DACH1: variants seen among roughly 807,000 people sequenced by gnomAD.
DACH1 encodes dachshund family transcription factor 1.
DACH1 carries 12 observed loss-of-function variants against 54.2 expected under a neutral mutation model. The observed-to-expected ratio is 0.22, with a 90% CI of 0.14 to 0.36. The LOEUF (loss-of-function observed/expected upper bound fraction) is 0.36, where lower values mean the gene tolerates loss of function less well. DACH1 is among the 10% of genes least tolerant of loss of function. The probability of loss-of-function intolerance (pLI) is 1.00; values close to 1 mark genes in which losing one functional copy is unlikely to be tolerated. For missense variants in DACH1, 805 were observed against 929.8 expected (o/e 0.87, Z 1.75); for synonymous variants, 386 against 366.2 (o/e 1.05, Z -0.62).
intron 1 of DACH1, among the ~76,000 whole-genome samples, chr13:71,802,257 A>G (rs1887316954): frequency 6.6e-6 from 1 of 151,786 alleles, no homozygotes; most frequent in South Asian, 2.1e-4. Context: ...TCCAGGATCG[A>G]TTTAAATTTA....
chr13:71,528,603 T>C (rs1399867562), intron 6 of DACH1, among the ~76,000 whole-genome samples: 1 of 151,926 alleles, frequency 6.6e-6, no homozygotes, highest in Non-Finnish European at 1.5e-5. Flanking sequence ...AATGTTTCTT[T>C]CTATTTTTAG....
chr13:71,460,991 G>C (rs1250030357), intron 10 of DACH1, among the ~76,000 whole-genome samples: 1 of 151,918 alleles, frequency 6.6e-6, no homozygotes, highest in East Asian at 1.9e-4. Context: ...CTGTAATTGA[G>C]ACTTTGACAC....
At chr13:71,847,916 G>T (rs375792539) in intron 1 of DACH1, among the ~76,000 whole-genome samples, 25 of 152,276 alleles carry the variant, frequency 1.6e-4, no homozygotes, top group Middle Eastern at 3.4e-3. Flanking sequence ...ATGGTTGAAT[G>T]CCTAGCTCAA....
chr13:71,622,824 T>C (rs1876344970), intron 3 of DACH1, among the ~76,000 whole-genome samples: 1 of 151,804 alleles, frequency 6.6e-6, no homozygotes, highest in Non-Finnish European at 1.5e-5. Flanking sequence ...CCTAATATGA[T>C]ATGCTTGAAT....
intron 3 of DACH1, among the ~76,000 whole-genome samples, chr13:71,614,144 C>A (rs1875568480): frequency 6.6e-6 from 1 of 152,102 alleles, no homozygotes; most frequent in Admixed American, 6.6e-5. Flanking sequence ...TGTTATGCAT[C>A]TTTTAATGAA....
intron 6 of DACH1, among the ~76,000 whole-genome samples, chr13:71,555,044 T>C (rs1309046238): frequency 1.3e-5 from 2 of 152,212 alleles, no homozygotes; most frequent in East Asian, 1.9e-4. Flanking sequence ...TATATTTCTC[T>C]TAGCCCTTCT....
At position 71,730,757 on chromosome 13, in the gene DACH1, G is replaced by A. The variant is rs558280755; in HGVS notation, c.849-48847C>T. ...GAAAGCAAATTTTATTTTACATTCA[G>A]CCATTAAGATTTGTTATTGTCTTAT... On this transcript the variant is annotated intron_variant, in intron 1 of 10. Coordinates refer to ENST00000613252, the MANE Select transcript of DACH1 (RefSeq NM_080759.6). Among the ~76,000 whole-genome samples the A allele has an allele frequency of 3.3e-5, 5 of 152,038 alleles. No individual in the cohort carries two copies. In the South Asian group the frequency reaches 1.0e-3, roughly 32 times the overall value.
At chr13:71,778,092 CAATAAATAAATAAATA>C (rs369933133) in intron 1 of DACH1, among the ~76,000 whole-genome samples, 300 of 138,946 alleles carry the variant, frequency 2.2e-3, no homozygotes, top group African/African-American at 6.6e-3. Context: ...ACCCTGTCTA[CAATAAATAAATAAATA>C]AATAAATAAA....
intron 1 of DACH1, among the ~76,000 whole-genome samples, chr13:71,725,559 T>G (rs985800521): frequency 6.6e-6 from 1 of 152,202 alleles, no homozygotes; most frequent in African/African-American, 2.4e-5. Flanking sequence ...CTAAATATCT[T>G]AAAATTTGTT....
At chr13:71,724,509 C>T (rs888955600) in intron 1 of DACH1, among the ~76,000 whole-genome samples, 3 of 152,134 alleles carry the variant, frequency 2.0e-5, no homozygotes, top group Non-Finnish European at 2.9e-5. Context: ...TTGCCTAAAA[C>T]CTGCTCTATA....
intron 1 of DACH1, among the ~76,000 whole-genome samples, chr13:71,821,080 G>A (rs949713664): frequency 1.3e-5 from 2 of 152,148 alleles, no homozygotes; most frequent in Non-Finnish European, 2.9e-5. Context: ...AGTGGACATG[G>A]TAGGAGGTAT....
intron 1 of DACH1, among the ~76,000 whole-genome samples, chr13:71,864,212 CACA>C (rs1264009008): frequency 2.9e-5 from 3 of 104,532 alleles, no homozygotes; most frequent in African/African-American, 4.8e-5. Flanking sequence ...CACACACACA[CACA>C]ACATTTACCC....
intron 6 of DACH1, among the ~76,000 whole-genome samples, chr13:71,537,466 G>A (rs1882880880): frequency 6.6e-6 from 1 of 152,050 alleles, no homozygotes; most frequent in Non-Finnish European, 1.5e-5. Context: ...AATTTTATGA[G>A]AGCAGGGGAT....
intron 1 of DACH1, among the ~76,000 whole-genome samples, chr13:71,747,504 C>A (rs1360044511): frequency 1.3e-5 from 2 of 152,080 alleles, no homozygotes; most frequent in African/African-American, 2.4e-5. Flanking sequence ...TTGTTTGAAC[C>A]TAGGAGGCGG....
intron 10 of DACH1, among the ~76,000 whole-genome samples, chr13:71,454,663 G>T (rs1875391572): frequency 6.6e-6 from 1 of 152,154 alleles, no homozygotes; most frequent in African/African-American, 2.4e-5. Flanking sequence ...CAGGCCCTCA[G>T]TCTAGCACTC....
chr13:71,502,946 G>T (rs1055777485), intron 6 of DACH1, among the ~76,000 whole-genome samples: 1 of 152,180 alleles, frequency 6.6e-6, no homozygotes, highest in African/African-American at 2.4e-5. Flanking sequence ...TCAGTTTGCT[G>T]GTCTAGAAAA....
intron 1 of DACH1, among the ~76,000 whole-genome samples, chr13:71,773,976 A>T (rs1215042866): frequency 2.9e-5 from 2 of 68,274 alleles, no homozygotes; most frequent in South Asian, 3.1e-4. Flanking sequence ...TTGCCTGTTT[A>T]AAAAAAAAAA....
chr13:71,504,387 A>C (rs1880150754), intron 6 of DACH1, among the ~76,000 whole-genome samples: 1 of 152,116 alleles, frequency 6.6e-6, no homozygotes, highest in Admixed American at 6.6e-5. Flanking sequence ...TGTATTCTAT[A>C]TGTGTAATAG....
rs567149402 is a variant in DACH1 at position 71,441,133 on chromosome 13, T to G, written c.2084-441A>C. ...TTTAGCAGTGTTGTTAAATATACCA[T>G]GTAATGTAACTATTGTGCACATTCG... On this transcript the variant is annotated intron_variant, in intron 10 of 10. Transcript: ENST00000613252. Among the ~76,000 whole-genome samples, 115 of 152,198 alleles carry G rather than the reference T, an allele frequency of 7.6e-4. 1 individual carries two copies. The highest frequency in any genetic ancestry group is 2.7e-3 in the African/African-American group (112 of 41,580).
Sources: gnomAD v4.1 joint callset for allele counts (sites outside exome capture counted in the v4.1 genomes callset) on GRCh38, gnomAD v4.1.1 for gene constraint, MANE v1.5 for transcripts, NCBI Gene and HGNC (gene_info 2026-07-23, HGNC 2026-07-21) for gene names.